IGF1R: variants seen among roughly 807,000 people sequenced by gnomAD.
IGF1R encodes the protein insulin-like growth factor 1 receptor.
IGF1R carries 44 observed loss-of-function variants against 144.6 expected under a neutral mutation model. That is an observed-to-expected ratio of 0.30 (90% confidence interval 0.24 to 0.39). The LOEUF is 0.39. Ranked by LOEUF, IGF1R falls within the 10% of genes least tolerant of loss-of-function variation. IGF1R has a pLI of 1.00. For synonymous variants in IGF1R, 795 were observed against 722.8 expected (o/e 1.10, Z -1.60); for missense variants, 1,355 against 1,833.7 (o/e 0.74, Z 4.77).
rs934364792 is a variant in IGF1R, at chr15:98,964,375, C to T, written c.*6933C>T. 6.1e-5 allele frequency: 14 copies of T among 230,170 alleles called. No individual in the cohort carries two copies. The highest frequency in any genetic ancestry group is 1.2e-4 in the Non-Finnish European group (14 of 116,220). The allele number at this position is 230,170 out of a possible 1,614,324, so 14.3% of individuals were successfully genotyped here. A position where few individuals can be genotyped will look rare whatever the true frequency, so the allele number is the denominator to read the frequency against. ...TATATTCTGTTGTAAGAATTTATTC[C>T]TGTTATTGCGATATACTCTGGATTC... On this transcript the variant is annotated 3_prime_UTR_variant, in exon 21 of 21. Coordinates refer to ENST00000650285, the MANE Select transcript of IGF1R (RefSeq NM_000875.5).
chr15:98,882,741 C>T (rs563913212), intron 2 of IGF1R, among the ~76,000 whole-genome samples: 6 of 152,288 alleles, frequency 3.9e-5, no homozygotes, highest in African/African-American at 1.4e-4. Flanking sequence ...TTAGGAAGTT[C>T]ACCCTTGTCT....
intron 2 of IGF1R, among the ~76,000 whole-genome samples, chr15:98,760,710 T>C (rs920665109): frequency 6.6e-6 from 1 of 152,186 alleles, no homozygotes; most frequent in Non-Finnish European, 1.5e-5. Flanking sequence ...TTGGAATGTG[T>C]CTAGTCCAGC....
At chr15:98,947,640 G>C (rs534530390) in intron 19 of IGF1R, among the ~76,000 whole-genome samples, 5 of 152,364 alleles carry the variant, frequency 3.3e-5, no homozygotes, top group African/African-American at 1.2e-4. Context: ...CATTCTGTCT[G>C]AAAGTTGTGT....
At chr15:98,691,282 T>G (rs1368452939) in intron 1 of IGF1R, among the ~76,000 whole-genome samples, 1 of 152,170 alleles carries the variant, frequency 6.6e-6, no homozygotes, top group Non-Finnish European at 1.5e-5. Flanking sequence ...TTCCTTGTCC[T>G]TGGTGACTTT....
chr15:98,900,448 T>TG (rs1179127848), intron 5 of IGF1R, among the ~76,000 whole-genome samples: 1 of 152,212 alleles, frequency 6.6e-6, no homozygotes, highest in African/African-American at 2.4e-5. Context: ...GAGAAGGTCA[T>TG]GGGAAAGGTT....
chr15:98,731,910 G>A (rs1408271899), intron 2 of IGF1R, among the ~76,000 whole-genome samples: 1 of 152,190 alleles, frequency 6.6e-6, no homozygotes, highest in Non-Finnish European at 1.5e-5. Context: ...TGCATTGGGA[G>A]AGCCTGACTT....
At chr15:98,726,510 T>G (rs184061478) in intron 2 of IGF1R, among the ~76,000 whole-genome samples, 2 of 152,200 alleles carry the variant, frequency 1.3e-5, no homozygotes, top group African/African-American at 4.8e-5. Context: ...CATGGCGCCC[T>G]CCCTCCCTTC....
chr15:98,700,144 A>G (rs1027469933), intron 1 of IGF1R, among the ~76,000 whole-genome samples: 21 of 152,086 alleles, frequency 1.4e-4, no homozygotes, highest in Admixed American at 1.2e-3. Flanking sequence ...CTGATTTTTC[A>G]ATTAGGAATG....
Position 98,958,262 on chromosome 15 carries a change from GTGGGGAGAAGC to G in IGF1R, c.*823_*833del, listed in dbSNP as rs1187734542. ...ACAATAGGTCTTTCTCTCAGTGAAG[GTGGGGAGAAGC>G]TGAACCGGCTTCCCTGCCCTGCCTC... On this transcript the variant is annotated 3_prime_UTR_variant, in exon 21 of 21. Coordinates refer to ENST00000650285, the MANE Select transcript of IGF1R (RefSeq NM_000875.5). The G allele has an allele frequency of 1.7e-5, 4 of 231,410 alleles. No individual in the cohort carries two copies. The highest frequency in any genetic ancestry group is 3.4e-5 in the Non-Finnish European group (4 of 116,942). 14.3% of individuals were successfully genotyped at this position (231,410 alleles called of 1,614,324 possible). A position where few individuals can be genotyped will look rare whatever the true frequency, so the allele number is the denominator to read the frequency against.
At chr15:98,710,668 CTT>C (rs34054503) in intron 2 of IGF1R, among the ~76,000 whole-genome samples, 19 of 140,078 alleles carry the variant, frequency 1.4e-4, no homozygotes, top group Admixed American at 1.4e-4. Flanking sequence ...CCTTTTTATT[CTT>C]TTTTTTTTTT....
chr15:98,856,784 T>C (rs182884278), intron 2 of IGF1R, among the ~76,000 whole-genome samples: 6 of 152,344 alleles, frequency 3.9e-5, no homozygotes, highest in African/African-American at 7.2e-5. Flanking sequence ...GTGCTTGTAA[T>C]GGATGTGCAA....
rs572583227 is a variant in IGF1R at position 98,664,049 on chromosome 15, T to G, written c.94+14374T>G. 8.5e-4 allele frequency among the ~76,000 whole-genome samples: 129 copies of G among 152,274 alleles called. 3 individuals are homozygous for G. The South Asian group carries it at 0.026, about 30-fold the overall frequency. ...ACTGTTTTCACTTGACAAATAACAT[T>G]AAAAAACACAGTTCTGCAAGAGACT... On this transcript the variant is annotated intron_variant, in intron 1 of 20. Coordinates refer to ENST00000650285, the MANE Select transcript of IGF1R (RefSeq NM_000875.5).
intron 2 of IGF1R, among the ~76,000 whole-genome samples, chr15:98,795,707 C>T (rs115689130): frequency 4.6e-5 from 7 of 152,300 alleles, no homozygotes; most frequent in African/African-American, 1.2e-4. Context: ...TGAGCCACTG[C>T]GCCTATTATG....
At chr15:98,922,057 G>T in intron 10 of IGF1R, 91 bp from the exon 11 acceptor site, 1 of 1,431,468 alleles carries the variant, frequency 7.0e-7, no homozygotes, top group South Asian at 1.2e-5. Flanking sequence ...TCTATTCCAC[G>T]GTTAAGATTC....
At chr15:98,860,407 A>G (rs767227251) in intron 2 of IGF1R, among the ~76,000 whole-genome samples, 5 of 152,204 alleles carry the variant, frequency 3.3e-5, no homozygotes, top group South Asian at 2.1e-4. Context: ...AGTCTCTCCA[A>G]TATGCTCAGT....
At chr15:98,932,415 C>G (rs1049609038) in intron 15 of IGF1R, among the ~76,000 whole-genome samples, 3 of 152,172 alleles carry the variant, frequency 2.0e-5, no homozygotes, top group Non-Finnish European at 2.9e-5. Context: ...CAGGAAAGTG[C>G]TGATAACATT....
chr15:98,865,522 G>C (rs2012385656), intron 2 of IGF1R, among the ~76,000 whole-genome samples: 1 of 152,216 alleles, frequency 6.6e-6, no homozygotes. Context: ...CGTGGTCCCA[G>C]GCCACGCTGG....
At chr15:98,947,280 A>G (rs949126894) in intron 19 of IGF1R, among the ~76,000 whole-genome samples, 2 of 152,260 alleles carry the variant, frequency 1.3e-5, no homozygotes, top group African/African-American at 4.8e-5. Flanking sequence ...AATTTGTACA[A>G]AAATCTTTGA....
At chr15:98,673,403 C>T (rs2052949226) in intron 1 of IGF1R, among the ~76,000 whole-genome samples, 1 of 152,182 alleles carries the variant, frequency 6.6e-6, no homozygotes, top group African/African-American at 2.4e-5. Flanking sequence ...CTCAGCTGCT[C>T]TTCTAGTAGG....
Sources: allele counts gnomAD v4.1 joint callset (sites outside exome capture counted in the v4.1 genomes callset), GRCh38; gene constraint gnomAD v4.1.1; transcripts MANE v1.5; gene names NCBI Gene and HGNC (gene_info 2026-07-23, HGNC 2026-07-21).